TENM3: variants seen among roughly 807,000 people sequenced by gnomAD.
TENM3 encodes teneurin transmembrane protein 3, also known as teneurin-3.
In TENM3, 63 loss-of-function variants were observed where a neutral mutation model predicts 255.1. The ratio of observed to expected loss-of-function variants is 0.25; its 90% CI spans 0.20 to 0.30. TENM3 has a LOEUF of 0.30. TENM3 is among the 10% of genes least tolerant of loss of function. The probability of loss-of-function intolerance (pLI) is 1.00; values close to 1 mark genes in which losing one functional copy is unlikely to be tolerated. For missense variants in TENM3, 2,929 were observed against 3,461.1 expected, an observed-to-expected ratio of 0.85 and a Z score of 3.86; for synonymous variants, 1,306 against 1,322.3, an observed-to-expected ratio of 0.99 and a Z score of 0.27.
chr4:182,386,189 A>T (rs536046572), intron 3 of TENM3, among the ~76,000 whole-genome samples: 3 of 152,346 alleles, frequency 2.0e-5, no homozygotes, highest in African/African-American at 7.2e-5. Context: ...ATTTCAGTAA[A>T]CATAGCCCAG....
intron 3 of TENM3, among the ~76,000 whole-genome samples, chr4:182,466,057 T>G (rs1732555492): frequency 6.6e-6 from 1 of 152,186 alleles, no homozygotes; most frequent in African/African-American, 2.4e-5. Flanking sequence ...TGGATTAGTT[T>G]AAACCTCAAT....
intron 1 of TENM3, among the ~76,000 whole-genome samples, chr4:182,184,295 T>A (rs1315801096): frequency 6.6e-6 from 1 of 152,196 alleles, no homozygotes; most frequent in Non-Finnish European, 1.5e-5. Context: ...CGCAAATAAT[T>A]CCACTGGGCC....
At chr4:181,624,450 T>C in the TENM3 span, among the ~76,000 whole-genome samples, 1 of 152,188 alleles carries the variant, frequency 6.6e-6, no homozygotes, top group Non-Finnish European at 1.5e-5. Flanking sequence ...GGAAAAAAAT[T>C]AGTAAACAGC....
At chr4:181,700,404 C>T in the TENM3 span, among the ~76,000 whole-genome samples, 1 of 152,082 alleles carries the variant, frequency 6.6e-6, no homozygotes, top group Admixed American at 6.6e-5. Flanking sequence ...AAGAATCCAT[C>T]TGCTAAAATT....
At chr4:181,715,531 GT>G in the TENM3 span, among the ~76,000 whole-genome samples, 1 of 152,140 alleles carries the variant, frequency 6.6e-6, no homozygotes, top group African/African-American at 2.4e-5. Context: ...CTAAATTCAT[GT>G]TTCTTTAATA....
At chr4:182,530,380 G>A (rs1739647406) in intron 3 of TENM3, among the ~76,000 whole-genome samples, 1 of 152,110 alleles carries the variant, frequency 6.6e-6, no homozygotes, top group African/African-American at 2.4e-5. Context: ...ATATTGCCCT[G>A]TTCCAGAAAC....
intron 3 of TENM3, among the ~76,000 whole-genome samples, chr4:182,351,764 A>G (rs943465006): frequency 2.6e-5 from 4 of 151,746 alleles, no homozygotes; most frequent in Non-Finnish European, 4.4e-5. Context: ...GGGCACTACC[A>G]CCTCCCGACT....
chr4:181,713,259 T>A, the TENM3 span, among the ~76,000 whole-genome samples: 526 of 152,274 alleles, frequency 3.5e-3, 4 homozygotes, highest in Middle Eastern at 0.014. Flanking sequence ...AACACCTGAA[T>A]AAGAGCAGGT....
intron 11 of TENM3, among the ~76,000 whole-genome samples, chr4:182,684,891 A>T (rs1756454748): frequency 6.6e-6 from 1 of 152,174 alleles, no homozygotes; most frequent in African/African-American, 2.4e-5. Flanking sequence ...TCACATGTTT[A>T]TTTTTAGCAA....
intron 13 of TENM3, among the ~76,000 whole-genome samples, chr4:182,717,081 A>C (rs141211000): frequency 1.3e-5 from 2 of 152,126 alleles, no homozygotes; most frequent in Non-Finnish European, 1.5e-5. Flanking sequence ...AAAAATTTTA[A>C]AAGAGACATC....
At chr4:181,453,266 G>T in the TENM3 span, among the ~76,000 whole-genome samples, 10 of 152,178 alleles carry the variant, frequency 6.6e-5, no homozygotes, top group Non-Finnish European at 1.2e-4. Context: ...GGTCCTGATG[G>T]AGTCGAATAA....
chr4:181,496,200 C>T, the TENM3 span, among the ~76,000 whole-genome samples: 66 of 152,236 alleles, frequency 4.3e-4, 1 homozygote, highest in Middle Eastern at 3.4e-3. Flanking sequence ...GTAGGAGAAA[C>T]GAAACTTGAG....
the TENM3 span, among the ~76,000 whole-genome samples, chr4:182,092,749 A>T: frequency 6.6e-6 from 1 of 152,256 alleles, no homozygotes; most frequent in African/African-American, 2.4e-5. Context: ...GGCAATCACA[A>T]TTTCAATTTC....
chr4:182,455,594 C>G (rs1384260774), intron 3 of TENM3, among the ~76,000 whole-genome samples: 11 of 120,146 alleles, frequency 9.2e-5, no homozygotes, highest in Non-Finnish European at 1.6e-4. Flanking sequence ...CCGAGTCTCA[C>G]TAGGCTGACC....
the TENM3 span, among the ~76,000 whole-genome samples, chr4:181,920,815 A>G: frequency 2.0e-5 from 3 of 152,064 alleles, no homozygotes; most frequent in Non-Finnish European, 2.9e-5. Context: ...GCCCATGCCT[A>G]TGTCCTGAAT....
the TENM3 span, among the ~76,000 whole-genome samples, chr4:181,586,656 A>G: frequency 2.0e-5 from 3 of 152,078 alleles, no homozygotes; most frequent in Non-Finnish European, 4.4e-5. Context: ...CCTGGCCAAC[A>G]CGATGAAACC....
At chr4:182,405,334 G>A (rs969603255) in intron 3 of TENM3, among the ~76,000 whole-genome samples, 1 of 152,136 alleles carries the variant, frequency 6.6e-6, no homozygotes, top group Non-Finnish European at 1.5e-5. Context: ...CCCAAACCAA[G>A]GGCTAACGTG....
At chr4:182,761,619 T>TAC (rs889325870) in intron 22 of TENM3, among the ~76,000 whole-genome samples, 2 of 152,000 alleles carry the variant, frequency 1.3e-5, no homozygotes, top group African/African-American at 2.4e-5. Context: ...CACACACTTA[T>TAC]ACACACACAC....
rs552207638 is a variant in TENM3, at chr4:182,332,566, C to T, written c.232+8314C>T. Among the ~76,000 whole-genome samples, 111 of 151,984 alleles carry T rather than the reference C, an allele frequency of 7.3e-4. 1 individual carries two copies. The highest frequency in any genetic ancestry group is 2.6e-3 in the African/African-American group (106 of 41,466). ...AAAACTAGCTGGGCGTGGTGGTGGG[C>T]GCCTGTAATCCCAGCTACTTGGGAG... On this transcript the variant is annotated intron_variant, in intron 2 of 27. Coordinates refer to ENST00000511685, the MANE Select transcript of TENM3 (RefSeq NM_001080477.4).
Sources: gnomAD v4.1 joint callset for allele counts (sites outside exome capture counted in the v4.1 genomes callset) on GRCh38, gnomAD v4.1.1 for gene constraint, MANE v1.5 for transcripts, NCBI Gene and HGNC (gene_info 2026-07-23, HGNC 2026-07-21) for gene names.